Variants in DENND4C observed in about 807,000 individuals in gnomAD.
DENND4C encodes the protein DENN domain containing 4C, also known as DENN domain-containing protein 4C.
In DENND4C, 108 loss-of-function variants were observed where a neutral mutation model predicts 203.0. That is an observed-to-expected ratio of 0.53 (90% CI 0.46 to 0.62). The LOEUF (loss-of-function observed/expected upper bound fraction) is 0.62. DENND4C is among the 20% of genes least tolerant of loss of function. DENND4C has a pLI of 0.00. For missense variants in DENND4C, 2,481 were observed against 2,301.2 expected (o/e 1.08, Z -1.60); for synonymous variants, 871 against 792.4 (o/e 1.10, Z -1.67).
Position 19,358,120 on chromosome 9 carries a change from T to C in DENND4C, c.5120T>C (p.Ile1707Thr). Residue 1707 changes from isoleucine (I) to threonine (T), a missense_variant, in exon 28 of 33, where the codon ATC becomes ACC. Ile to Thr is a moderately conservative substitution (Grantham distance 89). Coordinates refer to ENST00000434457, the MANE Select transcript of DENND4C (RefSeq NM_001330640.2). The surrounding 1 kb of genome is among the most constrained non-coding windows in gnomAD (Gnocchi z 4.8). ...TTTACCCAGCGACCGTTTCATGGCA[T>C]CTCAACAGTTAGTCTTCCAAATAGT... ...IDFTQRPFHG[I>T]STVSLPNSLQ... The C allele has an allele frequency of 6.2e-7, 1 of 1,613,866 alleles. No homozygotes were observed. The highest frequency in any genetic ancestry group is 8.5e-7 in the Non-Finnish European group (1 of 1,179,780).
chr9:19,270,624 C>G (rs562944293), intron 1 of DENND4C, among the ~76,000 whole-genome samples: 1 of 152,008 alleles, frequency 6.6e-6, no homozygotes. Context: ...TTGTTTTCAC[C>G]TTTTGGCTAT....
chr9:19,301,872 G>A (rs1244096910), intron 9 of DENND4C, among the ~76,000 whole-genome samples: 2 of 152,100 alleles, frequency 1.3e-5, no homozygotes, highest in Non-Finnish European at 2.9e-5. Context: ...AGGAGGTGAA[G>A]GTTGCTATGA....
At chr9:19,304,485 A>G (rs1156638548) in intron 9 of DENND4C, among the ~76,000 whole-genome samples, 1 of 148,016 alleles carries the variant, frequency 6.8e-6, no homozygotes, top group Admixed American at 6.8e-5. Context: ...TGCCCAGCCA[A>G]TTGACAGTAT....
In DENND4C at chr9:19,347,010, G is replaced by T. The variant is rs1823059040; in HGVS notation, c.4241G>T (p.Gly1414Val). 1.2e-6 allele frequency: 2 copies of T among 1,614,136 alleles called. No homozygotes were observed. Among genetic ancestry groups the T allele is most frequent in the East Asian group, 4.5e-5 (2 of 44,884 alleles). ...SGPKIDVLKS[G>V]MKQAATVASK... ...CCCAAGATAGATGTCCTGAAATCTG[G>T]TATGAAACAAGCAGCGACAGTAGCC... The change falls in exon 23 of 33, where the codon GGT (glycine) becomes GTT (valine). Residue 1414 changes from glycine (G) to valine (V), a missense_variant. Gly to Val is a moderately radical substitution (Grantham distance 109). Transcript: ENST00000434457.
At chr9:19,262,076 CTTTTTTTTTT>C (rs60223074) in intron 1 of DENND4C, among the ~76,000 whole-genome samples, 647 of 55,534 alleles carry the variant, frequency 0.012, 4 homozygotes, top group Non-Finnish European at 0.019. Context: ...TTTATTAGTT[CTTTTTTTTTT>C]TTTTTTTTTT....
chr9:19,300,104 C>G (rs372137557), intron 8 of DENND4C, 83 bp from the exon 9 acceptor site: 7 of 1,333,280 alleles, frequency 5.3e-6, no homozygotes, highest in East Asian at 5.0e-5. Context: ...GACTCTCAAT[C>G]TGTTGATACT....
At position 19,245,148 on chromosome 9, in the gene DENND4C, A is replaced by G. The variant is rs570592096; in HGVS notation, c.-18+14315A>G. Among the ~76,000 whole-genome samples the G allele has an allele frequency of 1.0e-3, 154 of 152,284 alleles. No homozygotes were observed. In the South Asian group the frequency reaches 0.014, roughly 14 times the overall value. ...AGTAGTGGGCCACCTTCAGAAATTC[A>G]TATTTTATTGGTCTGATTTTTTTAA... On this transcript the variant is annotated intron_variant, in intron 1 of 32. Coordinates refer to ENST00000434457, the MANE Select transcript of DENND4C (RefSeq NM_001330640.2).
At chr9:19,363,286 C>T (rs920760041) in intron 30 of DENND4C, among the ~76,000 whole-genome samples, 1 of 151,474 alleles carries the variant, frequency 6.6e-6, no homozygotes, top group Non-Finnish European at 1.5e-5. Flanking sequence ...AGGCCGAGGG[C>T]GGGTGGATCA....
At chr9:19,314,688 A>G (rs1841433966) in intron 10 of DENND4C, among the ~76,000 whole-genome samples, 1 of 152,206 alleles carries the variant, frequency 6.6e-6, no homozygotes, top group Non-Finnish European at 1.5e-5. Flanking sequence ...TGCTAAAGAA[A>G]AATAATACAA....
chr9:19,370,304 A>G (rs921223235), intron 31 of DENND4C, among the ~76,000 whole-genome samples: 1 of 152,138 alleles, frequency 6.6e-6, no homozygotes, highest in Non-Finnish European at 1.5e-5. Context: ...TCTACAAAAA[A>G]TAATTTGTCA....
chr9:19,274,917 A>G (rs1250026263), intron 1 of DENND4C, among the ~76,000 whole-genome samples: 1 of 152,232 alleles, frequency 6.6e-6, no homozygotes, highest in Non-Finnish European at 1.5e-5. Context: ...AATGATCTGA[A>G]TATTGTTCAT....
At chr9:19,321,798 C>T (rs761158592) in intron 12 of DENND4C, among the ~76,000 whole-genome samples, 5 of 142,558 alleles carry the variant, frequency 3.5e-5, no homozygotes, top group East Asian at 4.1e-4. Context: ...CGCCACTGAA[C>T]GCCAGCCTGG....
At chr9:19,317,747 T>A (rs1033668610) in intron 12 of DENND4C, among the ~76,000 whole-genome samples, 14 of 152,184 alleles carry the variant, frequency 9.2e-5, no homozygotes, top group African/African-American at 3.4e-4. Flanking sequence ...TAAGATATTT[T>A]AAAAATAGAA....
At chr9:19,304,468 G>A (rs1163779416) in intron 9 of DENND4C, among the ~76,000 whole-genome samples, 1 of 151,794 alleles carries the variant, frequency 6.6e-6, no homozygotes, top group Non-Finnish European at 1.5e-5. Flanking sequence ...ATAGATGTGA[G>A]CCACCGTGCC....
intron 5 of DENND4C, among the ~76,000 whole-genome samples, chr9:19,294,581 A>G (rs986567741): frequency 6.6e-6 from 1 of 152,206 alleles, no homozygotes; most frequent in African/African-American, 2.4e-5. Context: ...AGATACTTGT[A>G]CGCCAATGTT....
chr9:19,303,774 C>A (rs1012888941), intron 9 of DENND4C, among the ~76,000 whole-genome samples: 1 of 151,950 alleles, frequency 6.6e-6, no homozygotes, highest in Non-Finnish European at 1.5e-5. Context: ...TTGAACTAGA[C>A]CTTAAAAGAT....
At chr9:19,306,606 T>G (rs958114265) in intron 10 of DENND4C, among the ~76,000 whole-genome samples, 2 of 152,044 alleles carry the variant, frequency 1.3e-5, no homozygotes, top group African/African-American at 4.8e-5. Flanking sequence ...AATACTCAGA[T>G]TTTTTACCTT....
At chr9:19,366,752 TAGA>T (rs1827766287) in intron 30 of DENND4C, among the ~76,000 whole-genome samples, 1 of 152,164 alleles carries the variant, frequency 6.6e-6, no homozygotes, top group African/African-American at 2.4e-5. Context: ...ATAAAGCACT[TAGA>T]AGAAAACATA....
chr9:19,311,623 T>C (rs966030177), intron 10 of DENND4C, among the ~76,000 whole-genome samples: 6 of 152,180 alleles, frequency 3.9e-5, no homozygotes, highest in Admixed American at 3.9e-4. Context: ...TGAAGACTTT[T>C]CACGGAAAAT....
Sources: gnomAD v4.1 joint callset for allele counts (sites outside exome capture counted in the v4.1 genomes callset) on GRCh38, gnomAD v4.1.1 for gene constraint, Gnocchi (gnomAD v3.1) non-coding constraint, MANE v1.5 for transcripts, NCBI Gene and HGNC (gene_info 2026-07-23, HGNC 2026-07-21) for gene names.